The following ANO1 variants were observed in gnomAD, a reference collection of about 807,000 sequenced individuals.
ANO1 encodes the protein anoctamin 1.
A neutral mutation model predicts 124.0 loss-of-function variants in ANO1; 59 were observed. The ratio of observed to expected loss-of-function variants is 0.48; its 90% CI spans 0.39 to 0.59. ANO1 has a LOEUF of 0.59. ANO1 is among the 20% of genes least tolerant of loss of function. The pLI, the probability that ANO1 is intolerant of heterozygous loss-of-function variation, is 0.00. For missense variants in ANO1, 1,059 were observed against 1,328.0 expected, an observed-to-expected ratio of 0.80 and a Z score of 3.15; for synonymous variants, 529 against 532.0, an observed-to-expected ratio of 0.99 and a Z score of 0.08.
In ANO1 at chr11:70,180,066, A is replaced by C; in HGVS notation, c.2403+10A>C. ...TGCTGTCATCATCAATGTAAGTGACATCAGGGACCTTGGCAGAATGGAAGT... is the reference window on the plus strand; with the variant it reads ...TGCTGTCATCATCAATGTAAGTGACCTCAGGGACCTTGGCAGAATGGAAGT... On this transcript the variant is annotated intron_variant, in intron 23 of 25. Transcript: ENST00000355303. 1 of 1,611,146 alleles carries C rather than the reference A, an allele frequency of 6.2e-7. No individual in the cohort carries two copies. The highest frequency in any genetic ancestry group is 8.5e-7 in the Non-Finnish European group (1 of 1,177,450).
chr11:70,140,353 A>T (rs904322112), intron 11 of ANO1, among the ~76,000 whole-genome samples: 2 of 152,112 alleles, frequency 1.3e-5, no homozygotes, highest in African/African-American at 2.4e-5. Flanking sequence ...AACATGGTGA[A>T]ACCCCCTCTC....
chr11:70,144,184 G>T (rs1194953281), intron 11 of ANO1, among the ~76,000 whole-genome samples: 1 of 152,118 alleles, frequency 6.6e-6, no homozygotes, highest in East Asian at 1.9e-4. Context: ...TACAAACGGG[G>T]TGGTACAAAA....
chr11:70,079,888 C>T (rs572429695), intron 1 of ANO1, among the ~76,000 whole-genome samples: 49 of 152,304 alleles, frequency 3.2e-4, no homozygotes, highest in Non-Finnish European at 2.9e-4. Flanking sequence ...AGGGGGGTGG[C>T]CTGGGGGCAT....
At chr11:69,987,025 T>G (rs1554996943) in intron 1 of ANO1, among the ~76,000 whole-genome samples, 1 of 151,562 alleles carries the variant, frequency 6.6e-6, no homozygotes, top group African/African-American at 2.4e-5. Flanking sequence ...TCTTCCCCCC[T>G]CCCTCCCCCG....
intron 8 of ANO1, among the ~76,000 whole-genome samples, chr11:70,123,236 G>A (rs1386854561): frequency 1.3e-5 from 2 of 152,340 alleles, no homozygotes; most frequent in African/African-American, 4.8e-5. Context: ...GGTGAGGCTG[G>A]TGGTTTCGGG....
rs185065750 is a variant in ANO1 at position 70,154,080 on chromosome 11, G to T, written c.1425+952G>T. On this transcript the variant is annotated intron_variant, in intron 14 of 25. Coordinates refer to ENST00000355303, the MANE Select transcript of ANO1 (RefSeq NM_018043.7). ...CGTGCCCAGCAAAGTTTATTTAATG[G>T]TGTTTTTCACATGATGTGGGACAAG... is the stretch of plus-strand genomic sequence containing the variant. Among the ~76,000 whole-genome samples, 7 of 152,090 alleles carry T rather than the reference G, an allele frequency of 4.6e-5. No individual in the cohort carries two copies. In the East Asian group the frequency reaches 1.4e-3, roughly 29 times the overall value.
intron 2 of ANO1, among the ~76,000 whole-genome samples, chr11:70,101,648 C>T (rs1197183364): frequency 7.2e-6 from 1 of 139,612 alleles, no homozygotes; most frequent in Non-Finnish European, 1.5e-5. Context: ...TTTTTGTCAA[C>T]AAGCTACAAT....
In ANO1 at chr11:70,131,928, G is replaced by T; in HGVS notation, c.1107G>T (p.Met369Ile). ...TMDENIPSME[M>I]CDQRHNITMC... is the part of the protein sequence containing the mutation. ...GCCCCCTCTCTTGCAGCATGGAGAT[G>T]TGTGACCAGAGACACAATATCACCA... Residue 369 changes from methionine (M) to isoleucine (I), a missense_variant, in exon 11 of 26, where the codon ATG becomes ATT. By Grantham distance (10) the Met-to-Ile change is conservative (BLOSUM62 1). Coordinates refer to ENST00000355303, the MANE Select transcript of ANO1 (RefSeq NM_018043.7). 1 of 1,606,516 alleles carries T rather than the reference G, an allele frequency of 6.2e-7. No individual in the cohort carries two copies. The highest frequency in any genetic ancestry group is 8.5e-7 in the Non-Finnish European group (1 of 1,179,498).
chr11:70,064,397 T>C (rs7927051), intron 1 of ANO1: 105,025 of 152,096 alleles, frequency 0.69, 36,631 homozygotes, highest in South Asian at 0.78. Flanking sequence ...TCCTGTGTGG[T>C]CCCTTGCTCT....
intron 22 of ANO1, among the ~76,000 whole-genome samples, chr11:70,177,748 C>T (rs2048778896): frequency 6.6e-6 from 1 of 151,612 alleles, no homozygotes; most frequent in East Asian, 1.9e-4. Context: ...TACAGGCGCC[C>T]GCCACCACAC....
chr11:70,152,505 T>C (rs1226994877), intron 13 of ANO1, 44 bp downstream of exon 13: 14 of 1,601,174 alleles, frequency 8.7e-6, no homozygotes, highest in Non-Finnish European at 1.2e-5. Flanking sequence ...ACAGCCTATC[T>C]CCCTGGGAGA....
the ANO1 span, among the ~76,000 whole-genome samples, chr11:69,972,018 T>A: frequency 1.3e-5 from 2 of 151,716 alleles, no homozygotes; most frequent in Non-Finnish European, 2.9e-5. Flanking sequence ...GTCAAAAGTT[T>A]GAGACCAGCC....
chr11:70,171,079 C>T (rs200240295), intron 22 of ANO1, 40 bp downstream of exon 22: 37 of 1,595,622 alleles, frequency 2.3e-5, no homozygotes, highest in East Asian at 6.8e-5. Flanking sequence ...GTTCCGAGTG[C>T]GTGCTGGGTT....
intron 1 of ANO1, among the ~76,000 whole-genome samples, chr11:70,036,537 G>C (rs1230571088): frequency 6.6e-6 from 1 of 152,238 alleles, no homozygotes; most frequent in Admixed American, 6.5e-5. Context: ...GACAAAAAGG[G>C]CTGAGGACCC....
the ANO1 span, among the ~76,000 whole-genome samples, chr11:69,975,004 T>C: frequency 2.0e-5 from 3 of 151,958 alleles, no homozygotes; most frequent in Non-Finnish European, 4.4e-5. Context: ...GAGAGGCAGC[T>C]ACGGAGGCAG....
chr11:70,179,167 G>C (rs937250832), intron 22 of ANO1, among the ~76,000 whole-genome samples: 1 of 152,244 alleles, frequency 6.6e-6, no homozygotes, highest in Non-Finnish European at 1.5e-5. Flanking sequence ...TTTCTGACGA[G>C]TGCTGGTTAT....
intron 19 of ANO1, chr11:70,163,689 C>A: frequency 1.9e-6 from 1 of 526,622 alleles, no homozygotes; most frequent in South Asian, 2.6e-5. Flanking sequence ...GTAATCCCAG[C>A]ACTTTGGGAG....
intron 6 of ANO1, among the ~76,000 whole-genome samples, chr11:70,108,671 A>T (rs567007748): frequency 6.6e-6 from 1 of 152,272 alleles, no homozygotes; most frequent in South Asian, 2.1e-4. Context: ...ACGGGTGGTA[A>T]ATCCAGGCTG....
chr11:70,164,929 A>G (rs1402813818), intron 19 of ANO1, among the ~76,000 whole-genome samples: 2 of 152,170 alleles, frequency 1.3e-5, no homozygotes, highest in Non-Finnish European at 2.9e-5. Flanking sequence ...CACAGCCCCA[A>G]GCACAGCAGC....
Sources: gnomAD v4.1 joint callset for allele counts (sites outside exome capture counted in the v4.1 genomes callset) on GRCh38, gnomAD v4.1.1 for gene constraint, MANE v1.5 for transcripts, NCBI Gene and HGNC (gene_info 2026-07-23, HGNC 2026-07-21) for gene names.